Variants in MAGI2 observed in about 807,000 individuals in gnomAD.
MAGI2 encodes membrane-associated guanylate kinase, WW and PDZ domain-containing protein 2.
MAGI2 carries 35 observed loss-of-function variants against 133.3 expected under a neutral mutation model. That is an observed-to-expected ratio of 0.26 (90% CI 0.20 to 0.35). The LOEUF (loss-of-function observed/expected upper bound fraction) is 0.35. MAGI2 is among the 10% of genes least tolerant of loss of function. The pLI, the probability that MAGI2 is intolerant of heterozygous loss-of-function variation, is 1.00. For missense variants in MAGI2, 1,636 were observed against 1,863.4 expected (o/e 0.88, Z 2.25); for synonymous variants, 729 against 710.6 (o/e 1.03, Z -0.41).
At chr7:78,483,125 A>T (rs2192646) in intron 6 of MAGI2, among the ~76,000 whole-genome samples, 62,284 of 151,492 alleles carry the variant, frequency 0.41, 13,706 homozygotes, top group East Asian at 0.68. Flanking sequence ...TGAGAGAGGC[A>T]AGTGAGGGGT....
chr7:79,056,106 A>C (rs1308113330), intron 1 of MAGI2, among the ~76,000 whole-genome samples: 4 of 152,186 alleles, frequency 2.6e-5, no homozygotes, highest in African/African-American at 4.8e-5. Flanking sequence ...GAACCCTTGC[A>C]CACTGGTTTC....
At chr7:79,104,225 A>G (rs1332068198) in intron 1 of MAGI2, among the ~76,000 whole-genome samples, 10 of 152,182 alleles carry the variant, frequency 6.6e-5, no homozygotes, top group African/African-American at 2.2e-4. Flanking sequence ...TTCTTCCTTC[A>G]GAGCATCAGC....
At chr7:78,545,853 A>G (rs998719587) in intron 3 of MAGI2, among the ~76,000 whole-genome samples, 1 of 152,162 alleles carries the variant, frequency 6.6e-6, no homozygotes, top group African/African-American at 2.4e-5. Context: ...TATAATCCCT[A>G]CCTTTCAAAG....
intron 1 of MAGI2, among the ~76,000 whole-genome samples, chr7:79,052,852 T>A (rs1282148341): frequency 6.6e-6 from 1 of 152,150 alleles, no homozygotes; most frequent in Non-Finnish European, 1.5e-5. Context: ...ATTGGCATAT[T>A]CTTAATCTTA....
rs1324373560 is a variant in MAGI2, at chr7:79,294,037, G to A, written c.301+158983C>T. Among the ~76,000 whole-genome samples, 4 of 152,124 alleles carry A rather than the reference G, an allele frequency of 2.6e-5. No individual in the cohort carries two copies. In the East Asian group the frequency reaches 7.8e-4, roughly 30 times the overall value. ...TTTTCTACTTAAAATATAAAAATTA[G>A]CCAGGTGTGCTGGCGTGAGTCTGTA... is the stretch of plus-strand genomic sequence containing the variant. On this transcript the variant is annotated intron_variant, in intron 1 of 21. Coordinates refer to ENST00000354212, the MANE Select transcript of MAGI2 (RefSeq NM_012301.4).
intron 1 of MAGI2, among the ~76,000 whole-genome samples, chr7:79,042,739 C>T (rs995623763): frequency 1.3e-5 from 2 of 152,028 alleles, no homozygotes; most frequent in Non-Finnish European, 2.9e-5. Flanking sequence ...GCCAAACAGA[C>T]CTAACAGACA....
intron 1 of MAGI2, among the ~76,000 whole-genome samples, chr7:79,141,749 GT>G (rs67303889): frequency 0.058 from 8,540 of 146,566 alleles, 784 homozygotes; most frequent in African/African-American, 0.2. Context: ...CTTTGTTCGT[GT>G]TTTTTTTTTC....
At chr7:79,346,683 A>G (rs551319093) in intron 1 of MAGI2, among the ~76,000 whole-genome samples, 71 of 151,954 alleles carry the variant, frequency 4.7e-4, no homozygotes, top group South Asian at 2.9e-3. Flanking sequence ...TGAACCCTCT[A>G]TACTCCTGGG....
intron 1 of MAGI2, among the ~76,000 whole-genome samples, chr7:79,322,975 ACTG>A (rs1162832491): frequency 6.6e-6 from 1 of 151,974 alleles, no homozygotes; most frequent in Non-Finnish European, 1.5e-5. Context: ...AGTAGCTGGG[ACTG>A]CACGCATGCA....
At chr7:79,247,217 A>C (rs1832889949) in intron 1 of MAGI2, among the ~76,000 whole-genome samples, 1 of 152,208 alleles carries the variant, frequency 6.6e-6, no homozygotes, top group African/African-American at 2.4e-5. Context: ...TACAAAATTC[A>C]CTGGTAATAG....
At chr7:79,172,493 A>G (rs1159936408) in intron 1 of MAGI2, among the ~76,000 whole-genome samples, 3 of 152,092 alleles carry the variant, frequency 2.0e-5, no homozygotes, top group African/African-American at 7.2e-5. Context: ...GAGAAACACA[A>G]TGCAGATTTA....
chr7:78,714,658 G>C (rs1451425358), intron 2 of MAGI2, among the ~76,000 whole-genome samples: 1 of 152,132 alleles, frequency 6.6e-6, no homozygotes, highest in African/African-American at 2.4e-5. Context: ...TATTATTCAA[G>C]AACCATGCAC....
intron 2 of MAGI2, among the ~76,000 whole-genome samples, chr7:78,766,953 T>C (rs890989705): frequency 2.0e-5 from 3 of 151,996 alleles, no homozygotes; most frequent in African/African-American, 7.2e-5. Context: ...CTGATATCTG[T>C]GAAACGCTTA....
At chr7:79,272,827 C>T (rs1236637081) in intron 1 of MAGI2, among the ~76,000 whole-genome samples, 2 of 151,954 alleles carry the variant, frequency 1.3e-5, no homozygotes, top group Non-Finnish European at 2.9e-5. Context: ...ATCTCCTGCT[C>T]CTCTTTACAT....
intron 1 of MAGI2, among the ~76,000 whole-genome samples, chr7:79,209,368 A>T (rs1412458492): frequency 6.6e-6 from 1 of 152,108 alleles, no homozygotes; most frequent in East Asian, 1.9e-4. Context: ...TGATTACAAC[A>T]TTACTGCAAC....
intron 10 of MAGI2, among the ~76,000 whole-genome samples, chr7:78,249,955 C>T (rs571247949): frequency 6.6e-6 from 1 of 151,964 alleles, no homozygotes; most frequent in East Asian, 1.9e-4. Flanking sequence ...ATCATATACC[C>T]CATAAATATG....
intron 1 of MAGI2, among the ~76,000 whole-genome samples, chr7:79,295,739 A>G (rs1836878103): frequency 6.6e-6 from 1 of 151,978 alleles, no homozygotes; most frequent in Admixed American, 6.6e-5. Flanking sequence ...ACACTCTTGT[A>G]TCCGCAGTGA....
At chr7:79,370,118 T>G (rs1049344677) in intron 1 of MAGI2, among the ~76,000 whole-genome samples, 1 of 152,176 alleles carries the variant, frequency 6.6e-6, no homozygotes, top group Non-Finnish European at 1.5e-5. Context: ...AGTTCTAAGT[T>G]AGATATTTAT....
At chr7:79,187,449 C>T (rs1167825489) in intron 1 of MAGI2, among the ~76,000 whole-genome samples, 1 of 151,710 alleles carries the variant, frequency 6.6e-6, no homozygotes, top group Non-Finnish European at 1.5e-5. Context: ...AGTCCTTACC[C>T]TCAGTCCATC....
Sources: allele counts gnomAD v4.1 joint callset (sites outside exome capture counted in the v4.1 genomes callset), GRCh38; gene constraint gnomAD v4.1.1; transcripts MANE v1.5; gene names NCBI Gene and HGNC (gene_info 2026-07-23, HGNC 2026-07-21).